Variants in KCNK2 observed in about 807,000 individuals in gnomAD.
The protein encoded by KCNK2 is potassium two pore domain channel subfamily K member 2.
Under a neutral mutation model 40.5 loss-of-function variants are expected in KCNK2, and 21 were observed. That is an observed-to-expected ratio of 0.52 (90% confidence interval 0.37 to 0.75). The LOEUF is 0.75. Among genes scored for constraint, KCNK2 ranks in the 30% least tolerant of loss-of-function variants. The probability of loss-of-function intolerance (pLI) is 0.00; values close to 1 mark genes in which losing one functional copy is unlikely to be tolerated. For synonymous variants in KCNK2, 191 were observed against 202.2 expected, an observed-to-expected ratio of 0.94 and a Z score of 0.47; for missense variants, 399 against 531.6, an observed-to-expected ratio of 0.75 and a Z score of 2.45.
intron 3 of KCNK2, among the ~76,000 whole-genome samples, chr1:215,154,450 G>T (rs1288550251): frequency 3.3e-5 from 5 of 150,964 alleles, no homozygotes; most frequent in Non-Finnish European, 5.9e-5. Flanking sequence ...TTGTAAATTT[G>T]TTTAAGTTCA....
intron 5 of KCNK2, 143 bp from the exon 6 acceptor site, chr1:215,194,810 A>G (rs928895239): frequency 3.5e-6 from 2 of 576,228 alleles, no homozygotes; most frequent in Non-Finnish European, 2.9e-6. Context: ...ATTCAAAATG[A>G]AGAAAATAAT....
chr1:215,136,494 A>T (rs973238195), intron 3 of KCNK2, among the ~76,000 whole-genome samples: 8 of 152,246 alleles, frequency 5.3e-5, no homozygotes, highest in South Asian at 2.1e-4. Flanking sequence ...ATGATTTTTT[A>T]AAATCTATGC....
chr1:215,104,791 A>G (rs1275988318), intron 2 of KCNK2, among the ~76,000 whole-genome samples: 1 of 152,130 alleles, frequency 6.6e-6, no homozygotes, highest in Non-Finnish European at 1.5e-5. Flanking sequence ...TGAAAATTTT[A>G]TGAATTAAAT....
intron 4 of KCNK2, among the ~76,000 whole-genome samples, chr1:215,170,245 A>G (rs1040552186): frequency 6.6e-6 from 1 of 152,116 alleles, no homozygotes; most frequent in African/African-American, 2.4e-5. Context: ...ATTGATAGGA[A>G]TGTATCTACA....
At chr1:215,224,397 C>A (rs557367697) in intron 6 of KCNK2, among the ~76,000 whole-genome samples, 1 of 152,154 alleles carries the variant, frequency 6.6e-6, no homozygotes, top group African/African-American at 2.4e-5. Flanking sequence ...TCAAAAACAG[C>A]AGAGGGAGAA....
intron 2 of KCNK2, among the ~76,000 whole-genome samples, chr1:215,100,173 T>G (rs1439319721): frequency 6.6e-6 from 1 of 151,818 alleles, no homozygotes; most frequent in Non-Finnish European, 1.5e-5. Context: ...GAATCCTTAG[T>G]AAGGTTTTGT....
chr1:215,017,131 C>T (rs901730321), intron 1 of KCNK2, among the ~76,000 whole-genome samples: 1 of 152,130 alleles, frequency 6.6e-6, no homozygotes, highest in Non-Finnish European at 1.5e-5. Context: ...AACTCTTACA[C>T]ACTGTTGGAG....
Position 215,083,220 on chromosome 1 carries a change from A to ACCCCC in KCNK2, c.-166_-165insCCCCC. The ACCCCC allele has an allele frequency of 2.0e-6, 1 of 505,146 alleles. No individual in the cohort carries two copies. The highest frequency in any genetic ancestry group is 2.7e-6 in the Non-Finnish European group (1 of 368,036). The allele number at this position is 505,146 out of a possible 1,614,324, so 31.3% of individuals were successfully genotyped here. ...CCCCCCCCCGCCCCCTCCCGCGTCCAGCCCCGCTCTCCCCACCTTGTAAAA... is the reference window on the plus strand; with the variant it reads ...CCCCCCCCCGCCCCCTCCCGCGTCCACCCCCGCCCCGCTCTCCCCACCTTGTAAAA... On this transcript the variant is annotated 5_prime_UTR_variant, in exon 1 of 7. Transcript: ENST00000444842.
At chr1:215,134,545 A>G (rs1045538083) in intron 3 of KCNK2, among the ~76,000 whole-genome samples, 2 of 152,256 alleles carry the variant, frequency 1.3e-5, no homozygotes, top group Middle Eastern at 3.4e-3. Context: ...TAGTTCAGAG[A>G]TTTTTATGAA....
intron 3 of KCNK2, among the ~76,000 whole-genome samples, chr1:215,162,560 C>T (rs556327444): frequency 2.0e-5 from 3 of 152,154 alleles, no homozygotes; most frequent in South Asian, 2.1e-4. Flanking sequence ...TTTGGTCTTA[C>T]GTTTAAGTCT....
chr1:215,058,135 T>C (rs1278964573), intron 1 of KCNK2, among the ~76,000 whole-genome samples: 1 of 152,124 alleles, frequency 6.6e-6, no homozygotes, highest in Non-Finnish European at 1.5e-5. Flanking sequence ...AATTGAAGCT[T>C]TGCCTCAAGC....
intron 1 of KCNK2, among the ~76,000 whole-genome samples, chr1:215,066,719 C>T (rs1215692621): frequency 6.6e-6 from 1 of 152,262 alleles, no homozygotes; most frequent in East Asian, 1.9e-4. Flanking sequence ...GTGAAAAGGA[C>T]TCTGCCCCTT....
At chr1:215,030,777 G>A (rs1001659367) in intron 1 of KCNK2, among the ~76,000 whole-genome samples, 6 of 150,976 alleles carry the variant, frequency 4.0e-5, no homozygotes, top group African/African-American at 1.5e-4. Flanking sequence ...AAACTCCTGG[G>A]CTCAAGTGAT....
chr1:215,194,675 TATAAATGTAA>T (rs2102664572), intron 5 of KCNK2, among the ~76,000 whole-genome samples: 1 of 152,280 alleles, frequency 6.6e-6, no homozygotes, highest in African/African-American at 2.4e-5. Flanking sequence ...AGATGGATTA[TATAAATGTAA>T]ATGAAACATG....
intron 2 of KCNK2, among the ~76,000 whole-genome samples, chr1:215,112,191 TG>T (rs1289269931): frequency 6.6e-6 from 1 of 152,080 alleles, no homozygotes; most frequent in East Asian, 1.9e-4. Flanking sequence ...GCTGGACATA[TG>T]TTTCAGTCAG....
At chr1:215,048,037 CT>C (rs1657845804) in intron 1 of KCNK2, among the ~76,000 whole-genome samples, 1 of 152,114 alleles carries the variant, frequency 6.6e-6, no homozygotes, top group Admixed American at 6.6e-5. Context: ...AGTGAACATT[CT>C]GATAATATTA....
intron 3 of KCNK2, among the ~76,000 whole-genome samples, chr1:215,163,553 G>T (rs1663305761): frequency 6.6e-6 from 1 of 152,080 alleles, no homozygotes; most frequent in South Asian, 2.1e-4. Context: ...TTGGCTGTGG[G>T]TTTGTCATAA....
At chr1:215,114,243 G>A (rs1265881400) in intron 2 of KCNK2, among the ~76,000 whole-genome samples, 1 of 152,098 alleles carries the variant, frequency 6.6e-6, no homozygotes, top group African/African-American at 2.4e-5. Context: ...TAGTATCTTA[G>A]TTGTGAATGA....
chr1:215,076,841 A>C (rs947820558), intron 1 of KCNK2, among the ~76,000 whole-genome samples: 1 of 152,186 alleles, frequency 6.6e-6, no homozygotes, highest in African/African-American at 2.4e-5. Flanking sequence ...CTTGCATTGC[A>C]ATGTTTCAAT....
Sources: allele counts gnomAD v4.1 joint callset (sites outside exome capture counted in the v4.1 genomes callset), GRCh38; gene constraint gnomAD v4.1.1; transcripts MANE v1.5; gene names NCBI Gene and HGNC (gene_info 2026-07-23, HGNC 2026-07-21).